SGCD: variants seen among roughly 807,000 people sequenced by gnomAD.
The protein encoded by SGCD is sarcoglycan delta.
SGCD carries 18 observed loss-of-function variants against 36.6 expected under a neutral mutation model. The ratio of observed to expected loss-of-function variants is 0.49; its 90% CI spans 0.34 to 0.73. SGCD has a LOEUF of 0.73. SGCD is among the 30% of genes least tolerant of loss of function. The pLI is 0.01. For missense variants in SGCD, 387 were observed against 346.7 expected (o/e 1.12, Z -0.92); for synonymous variants, 133 against 130.6 (o/e 1.02, Z -0.12).
At chr5:156,213,026 T>A (rs189310132) in intron 3 of SGCD, among the ~76,000 whole-genome samples, 1 of 152,058 alleles carries the variant, frequency 6.6e-6, no homozygotes, top group Admixed American at 6.5e-5. Context: ...TTTATAGTAA[T>A]AAATGTCTAC....
the SGCD span, among the ~76,000 whole-genome samples, chr5:155,782,727 G>A: frequency 6.6e-6 from 1 of 152,140 alleles, no homozygotes; most frequent in Non-Finnish European, 1.5e-5. Context: ...CAGATCAGCG[G>A]TGGCATTAGA....
In SGCD at chr5:156,624,962, G is replaced by A. The variant is rs567662207; in HGVS notation, c.503-22502G>A. 3.3e-5 allele frequency among the ~76,000 whole-genome samples: 5 copies of A among 152,322 alleles called. No homozygotes were observed. In the East Asian group the frequency reaches 7.7e-4, roughly 23 times the overall value. ...ACCAGATACCTGCACATTTGCCTCT[G>A]TCATTTGATTTGATTCCTAAAACCA... On this transcript the variant is annotated intron_variant, in intron 6 of 8. Transcript: ENST00000337851.
At chr5:156,482,825 T>TTTG (rs1325485223) in intron 3 of SGCD, among the ~76,000 whole-genome samples, 3 of 144,958 alleles carry the variant, frequency 2.1e-5, no homozygotes, top group African/African-American at 7.6e-5. Flanking sequence ...TTTTTTTTTT[T>TTTG]TTTTTTTTTT....
intron 3 of SGCD, among the ~76,000 whole-genome samples, chr5:156,429,970 T>TTTA (rs1773860355): frequency 6.6e-6 from 1 of 151,968 alleles, no homozygotes; most frequent in Non-Finnish European, 1.5e-5. Flanking sequence ...TCAATACTTT[T>TTTA]TCTTGACTTT....
chr5:156,505,407 C>A (rs1295349564), intron 3 of SGCD, among the ~76,000 whole-genome samples: 1 of 152,234 alleles, frequency 6.6e-6, no homozygotes, highest in Non-Finnish European at 1.5e-5. Flanking sequence ...GAAAAGTACC[C>A]ATTTTCCACT....
chr5:156,513,132 T>C (rs1341521142), intron 4 of SGCD, among the ~76,000 whole-genome samples: 2 of 152,202 alleles, frequency 1.3e-5, no homozygotes, highest in Non-Finnish European at 1.5e-5. Context: ...TCAAGTATAT[T>C]GGCATGAAAA....
chr5:155,757,774 G>A, the SGCD span, among the ~76,000 whole-genome samples: 1 of 152,280 alleles, frequency 6.6e-6, no homozygotes, highest in East Asian at 1.9e-4. Flanking sequence ...GATATGGTTT[G>A]GCTGTGTCTC....
intron 1 of SGCD, among the ~76,000 whole-genome samples, chr5:156,086,449 T>G (rs938595337): frequency 1.3e-5 from 2 of 152,222 alleles, no homozygotes; most frequent in African/African-American, 4.8e-5. Context: ...ATTTCAAATG[T>G]TGGACAAAAT....
At chr5:156,378,386 A>G (rs1347757956) in intron 3 of SGCD, among the ~76,000 whole-genome samples, 2 of 152,192 alleles carry the variant, frequency 1.3e-5, no homozygotes, top group African/African-American at 4.8e-5. Context: ...TCAGTTTTGC[A>G]GGATAAAGGT....
chr5:156,199,583 A>G (rs928697263), intron 3 of SGCD, among the ~76,000 whole-genome samples: 1 of 152,154 alleles, frequency 6.6e-6, no homozygotes, highest in Non-Finnish European at 1.5e-5. Context: ...CCCTACTCCA[A>G]GTCAGACTTC....
intron 3 of SGCD, among the ~76,000 whole-genome samples, chr5:156,494,638 A>G (rs896191380): frequency 1.3e-5 from 2 of 152,154 alleles, no homozygotes; most frequent in African/African-American, 4.8e-5. Context: ...TGCCCTGCTT[A>G]ACGTATTCCA....
At chr5:156,068,051 A>C (rs1760387481) in intron 1 of SGCD, among the ~76,000 whole-genome samples, 1 of 151,426 alleles carries the variant, frequency 6.6e-6, no homozygotes, top group Admixed American at 6.6e-5. Context: ...TCACTGTTCA[A>C]CCTTCCTCTC....
chr5:156,715,291 G>C (rs188559580), intron 7 of SGCD, among the ~76,000 whole-genome samples: 232 of 152,314 alleles, frequency 1.5e-3, no homozygotes, highest in Non-Finnish European at 2.7e-3. Context: ...GACAGGAGAT[G>C]ATAGCCTTTA....
intron 3 of SGCD, among the ~76,000 whole-genome samples, chr5:156,477,863 T>C (rs749386679): frequency 2.9e-4 from 44 of 152,136 alleles, no homozygotes; most frequent in Admixed American, 1.8e-3. Context: ...ACAAGAATAT[T>C]CTCTGGAATG....
chr5:156,294,855 T>C (rs1333356743), intron 3 of SGCD, among the ~76,000 whole-genome samples: 1 of 152,204 alleles, frequency 6.6e-6, no homozygotes, highest in Non-Finnish European at 1.5e-5. Context: ...GTTTATAATC[T>C]TTACAATATA....
chr5:156,276,531 C>A (rs1219459353), intron 3 of SGCD, among the ~76,000 whole-genome samples: 3 of 152,076 alleles, frequency 2.0e-5, no homozygotes, highest in African/African-American at 7.2e-5. Flanking sequence ...CTCAGATTCC[C>A]ATGTACGACA....
chr5:155,935,048 T>C (rs1757168465), intron 1 of SGCD, among the ~76,000 whole-genome samples: 1 of 152,204 alleles, frequency 6.6e-6, no homozygotes, highest in African/African-American at 2.4e-5. Flanking sequence ...CAGCACATCA[T>C]TTTGTGACTA....
rs70982002 is a variant in SGCD at position 156,287,627 on chromosome 5, T to TTGTGTGTGTG, written c.-43-41881_-43-41872dup. Among the ~76,000 whole-genome samples, 79 of 146,386 alleles carry TTGTGTGTGTG rather than the reference T, an allele frequency of 5.4e-4. 1 individual carries two copies. The highest frequency in any genetic ancestry group is 1.7e-3 in the Admixed American group (25 of 14,662). On this transcript the variant is annotated intron_variant, in intron 3 of 9. Transcript: ENST00000517913. ...AGCTTGGAACTTTAGTTCCGTTTCT[T>TTGTGTGTGTG]TGTGTGTGTGTGTGTGTGTGTGTGT...
At chr5:156,068,805 G>T (rs1273305420) in intron 1 of SGCD, among the ~76,000 whole-genome samples, 3 of 151,740 alleles carry the variant, frequency 2.0e-5, no homozygotes, top group Non-Finnish European at 4.4e-5. Flanking sequence ...ACTTCTTAAT[G>T]ATTGCCATTC....
Sources: allele counts gnomAD v4.1 joint callset (sites outside exome capture counted in the v4.1 genomes callset), GRCh38; gene constraint gnomAD v4.1.1; transcripts MANE v1.5; gene names NCBI Gene and HGNC (gene_info 2026-07-23, HGNC 2026-07-21).